The following DCC variants were observed in gnomAD, a reference collection of about 807,000 sequenced individuals.
DCC encodes DCC netrin 1 receptor, also known as netrin receptor DCC.
DCC carries 58 observed loss-of-function variants against 172.5 expected under a neutral mutation model. The ratio of observed to expected loss-of-function variants is 0.34; its 90% CI spans 0.27 to 0.42. The LOEUF (loss-of-function observed/expected upper bound fraction) is 0.42. DCC is among the 10% of genes least tolerant of loss of function. The probability of loss-of-function intolerance (pLI) is 1.00; values close to 1 mark genes in which losing one functional copy is unlikely to be tolerated. For synonymous variants in DCC, 709 were observed against 644.5 expected (o/e 1.10, Z -1.52); for missense variants, 1,740 against 1,791.0 (o/e 0.97, Z 0.51).
intron 13 of DCC, among the ~76,000 whole-genome samples, chr18:53,312,714 C>T (rs553471295): frequency 3.7e-5 from 5 of 136,578 alleles, no homozygotes; most frequent in African/African-American, 1.4e-4. Flanking sequence ...GAGGCTGAGG[C>T]GGGAGAATGG....
intron 7 of DCC, among the ~76,000 whole-genome samples, chr18:53,139,845 C>T (rs1463086154): frequency 6.6e-6 from 1 of 152,098 alleles, no homozygotes; most frequent in Non-Finnish European, 1.5e-5. Context: ...CACATAAGGC[C>T]TATTTCCTCC....
intron 5 of DCC, among the ~76,000 whole-genome samples, chr18:53,052,789 T>C (rs778517926): frequency 5.9e-5 from 9 of 152,044 alleles, no homozygotes; most frequent in Admixed American, 6.6e-5. Flanking sequence ...AGCCTTACCT[T>C]ACTCAAACCA....
chr18:53,472,718 G>C (rs2045712972), intron 25 of DCC, among the ~76,000 whole-genome samples: 1 of 152,112 alleles, frequency 6.6e-6, no homozygotes, highest in Admixed American at 6.6e-5. Context: ...TCCTAGCTAA[G>C]TCTTCCCGGC....
intron 1 of DCC, among the ~76,000 whole-genome samples, chr18:52,730,992 C>G (rs2036631238): frequency 6.6e-6 from 1 of 152,180 alleles, no homozygotes; most frequent in African/African-American, 2.4e-5. Context: ...ATTTGTCCAT[C>G]TATCATTAAG....
chr18:52,972,958 A>G (rs918214248), intron 5 of DCC, among the ~76,000 whole-genome samples: 18 of 152,256 alleles, frequency 1.2e-4, no homozygotes, highest in African/African-American at 4.3e-4. Context: ...CATTCCAAAC[A>G]AAAGAAGTAA....
intron 1 of DCC, among the ~76,000 whole-genome samples, chr18:52,444,036 A>G (rs1988048607): frequency 6.6e-6 from 1 of 152,172 alleles, no homozygotes; most frequent in South Asian, 2.1e-4. Flanking sequence ...TAAGGATAAC[A>G]GATGCCCGGG....
chr18:52,644,527 C>T (rs2034972999), intron 1 of DCC, among the ~76,000 whole-genome samples: 1 of 145,932 alleles, frequency 6.9e-6, no homozygotes, highest in African/African-American at 2.5e-5. Flanking sequence ...TGCGGTGAAC[C>T]GAGATTGCGC....
intron 5 of DCC, among the ~76,000 whole-genome samples, chr18:53,021,976 T>C (rs2041887887): frequency 6.6e-6 from 1 of 152,222 alleles, no homozygotes; most frequent in Non-Finnish European, 1.5e-5. Flanking sequence ...TTGAGTTTGA[T>C]AGTTTAGTTG....
intron 1 of DCC, among the ~76,000 whole-genome samples, chr18:52,677,304 T>C (rs1259172762): frequency 6.6e-6 from 1 of 152,138 alleles, no homozygotes; most frequent in African/African-American, 2.4e-5. Flanking sequence ...TATGAGAAAG[T>C]AAGTGTGCAT....
rs190132329 is a variant in DCC, at chr18:52,390,372, G to A, written c.91+49494G>A. 1.4e-3 allele frequency among the ~76,000 whole-genome samples: 206 copies of A among 152,184 alleles called. 1 individual carries two copies. The Middle Eastern group carries it at 0.014, about 10-fold the overall frequency. The stretch of plus-strand genomic sequence containing the variant: ...TCGTCTGGTGAGCACACCAGGATGG[G>A]CACAGAAGGGACAGCTGTTACAGTC... On this transcript the variant is annotated intron_variant, in intron 1 of 28. Coordinates refer to ENST00000442544, the MANE Select transcript of DCC (RefSeq NM_005215.4).
intron 7 of DCC, among the ~76,000 whole-genome samples, chr18:53,100,497 CAG>C (rs1267328443): frequency 2.0e-5 from 3 of 150,558 alleles, no homozygotes; most frequent in African/African-American, 7.3e-5. Context: ...AAGAGAGAGA[CAG>C]AAAAAGGAGA....
chr18:52,449,811 G>A (rs1404038513), intron 1 of DCC, among the ~76,000 whole-genome samples: 1 of 152,108 alleles, frequency 6.6e-6, no homozygotes, highest in Admixed American at 6.5e-5. Context: ...GTTTTATAAA[G>A]GGCAGTTCCC....
chr18:53,413,155 G>A (rs1910091584), intron 20 of DCC, among the ~76,000 whole-genome samples: 1 of 152,170 alleles, frequency 6.6e-6, no homozygotes. Flanking sequence ...TCCCAATGGA[G>A]TAGACCACAG....
intron 1 of DCC, among the ~76,000 whole-genome samples, chr18:52,365,056 T>A (rs1355645759): frequency 6.6e-6 from 1 of 152,212 alleles, no homozygotes; most frequent in Non-Finnish European, 1.5e-5. Flanking sequence ...AAGGATGTGT[T>A]TGAAAATAAA....
chr18:52,399,629 A>T (rs1986361610), intron 1 of DCC, among the ~76,000 whole-genome samples: 1 of 151,948 alleles, frequency 6.6e-6, no homozygotes, highest in African/African-American at 2.4e-5. Flanking sequence ...CTCAAGGCCC[A>T]CCTCAGTGTC....
intron 2 of DCC, among the ~76,000 whole-genome samples, chr18:52,806,143 C>G (rs2038079590): frequency 6.6e-6 from 1 of 152,154 alleles, no homozygotes; most frequent in African/African-American, 2.4e-5. Context: ...TGGATCATTT[C>G]TGTATCTTAT....
chr18:52,633,225 A>T (rs1302864974), intron 1 of DCC, among the ~76,000 whole-genome samples: 2 of 152,118 alleles, frequency 1.3e-5, no homozygotes, highest in Non-Finnish European at 2.9e-5. Context: ...TTTGGGGCTC[A>T]TCAGCAGGAT....
At chr18:53,103,892 A>G (rs2043208438) in intron 7 of DCC, among the ~76,000 whole-genome samples, 1 of 152,036 alleles carries the variant, frequency 6.6e-6, no homozygotes, top group Non-Finnish European at 1.5e-5. Flanking sequence ...GGGGTTTAGA[A>G]GAAGAATCTA....
At chr18:52,822,889 A>G (rs1473536247) in intron 2 of DCC, among the ~76,000 whole-genome samples, 2 of 152,188 alleles carry the variant, frequency 1.3e-5, no homozygotes, top group Non-Finnish European at 2.9e-5. Flanking sequence ...TTAATGGACC[A>G]TCTAGGCCAT....
Sources: allele counts gnomAD v4.1 joint callset (sites outside exome capture counted in the v4.1 genomes callset), GRCh38; gene constraint gnomAD v4.1.1; transcripts MANE v1.5; gene names NCBI Gene and HGNC (gene_info 2026-07-23, HGNC 2026-07-21).